The following PLEKHG4B variants were observed in gnomAD, a reference collection of about 807,000 sequenced individuals.
PLEKHG4B encodes pleckstrin homology and RhoGEF domain containing G4B.
PLEKHG4B carries 111 observed loss-of-function variants against 121.3 expected under a neutral mutation model. That is an observed-to-expected ratio of 0.92 (90% CI 0.78 to 1.07). The LOEUF (loss-of-function observed/expected upper bound fraction) is 1.07, where lower values mean the gene tolerates loss of function less well. Among genes scored for constraint, PLEKHG4B ranks in the 50% least tolerant of loss-of-function variants. The pLI, the probability that PLEKHG4B is intolerant of heterozygous loss-of-function variation, is 0.00. For synonymous variants in PLEKHG4B, 738 were observed against 725.0 expected (o/e 1.02, Z -0.29); for missense variants, 1,831 against 1,757.8 (o/e 1.04, Z -0.74).
In PLEKHG4B at chr5:93,107, C is replaced by T. The variant is rs1212244504; in HGVS notation, c.45+831C>T. On this transcript the variant is annotated intron_variant, in intron 1 of 19. Coordinates refer to ENST00000637938, the MANE Select transcript of PLEKHG4B (RefSeq NM_052909.5). ...TTTTGCCTAAAAAGTTTAGTTGGTA[C>T]GTCTAGGTGTCTAATTAAGAATTGA... Among the ~76,000 whole-genome samples, 13 of 152,042 alleles carry T rather than the reference C, an allele frequency of 8.6e-5. 1 individual carries two copies. Among genetic ancestry groups the T allele is most frequent in the Non-Finnish European group, 1.6e-4 (11 of 68,014 alleles).
Position 163,378 on chromosome 5 carries a change from C to T in PLEKHG4B, c.3306C>T (p.Asp1102=). The T allele has an allele frequency of 6.2e-7, 1 of 1,613,234 alleles. No individual in the cohort carries two copies. Among genetic ancestry groups the T allele is most frequent in the Non-Finnish European group, 8.5e-7 (1 of 1,180,036 alleles). ...GCCCCAGGGACTCCTGCCAGCCAGA[C>T]CATACTAGTGTCTTCAGCAAGGGCC... ...DSGPRDSCQP[D]HTSVFSKGLE... is the part of the protein sequence containing the mutation. The change falls in exon 13 of 20, where the codon GAC becomes GAT. Residue 1102 remains aspartate, a synonymous_variant. Coordinates refer to ENST00000637938, the MANE Select transcript of PLEKHG4B (RefSeq NM_052909.5).
intron 18 of PLEKHG4B, among the ~76,000 whole-genome samples, chr5:178,261 G>A (rs1736823641): frequency 6.6e-6 from 1 of 152,220 alleles, no homozygotes; most frequent in South Asian, 2.1e-4. Context: ...TGGCTCCCAA[G>A]GTGCCACTTT....
In PLEKHG4B at chr5:139,431, G is replaced by A. The variant is rs1560920671; in HGVS notation, c.244-52G>A. 1 of 398,734 alleles carries A rather than the reference G, an allele frequency of 2.5e-6. No individual in the cohort carries two copies. The highest frequency in any genetic ancestry group is 3.6e-5 in the East Asian group (1 of 28,082). 24.7% of individuals were successfully genotyped at this position (398,734 alleles called of 1,614,324 possible). On this transcript the variant is annotated intron_variant, in intron 2 of 19. Transcript: ENST00000637938. The surrounding 1 kb of genome is among the most constrained non-coding windows in gnomAD (Gnocchi z 5.0). ...GGGGTGGAGACCCAGGGCATGGAAG[G>A]GCTCAGGACATGGCCGTGCCCACCA...
intron 1 of PLEKHG4B, among the ~76,000 whole-genome samples, chr5:102,565 C>G (rs1293677150): frequency 6.6e-6 from 1 of 152,168 alleles, no homozygotes; most frequent in East Asian, 1.9e-4. Context: ...CCGTCTCTGC[C>G]CGTGCTTCCG....
At chr5:163,875 C>CA (rs1395395044) in intron 13 of PLEKHG4B, among the ~76,000 whole-genome samples, 1 of 152,238 alleles carries the variant, frequency 6.6e-6, no homozygotes, top group Non-Finnish European at 1.5e-5. Flanking sequence ...TCAACCCCGA[C>CA]ACCAAGAAGA....
intron 19 of PLEKHG4B, 71 bp downstream of exon 19, chr5:181,746 C>G: frequency 6.5e-7 from 1 of 1,543,586 alleles, no homozygotes. Flanking sequence ...GGCATGGGTA[C>G]GGTGGCATCG....
At chr5:93,656 C>G (rs545240160) in intron 1 of PLEKHG4B, among the ~76,000 whole-genome samples, 2 of 152,346 alleles carry the variant, frequency 1.3e-5, no homozygotes, top group South Asian at 4.1e-4. Flanking sequence ...CCGGAGCCTT[C>G]TCATCTTTTA....
chr5:168,581 G>T (rs1053141302), intron 13 of PLEKHG4B, among the ~76,000 whole-genome samples: 1 of 152,156 alleles, frequency 6.6e-6, no homozygotes, highest in African/African-American at 2.4e-5. Flanking sequence ...TCATCTCACC[G>T]CTAGAATGAA....
chr5:111,734 G>A (rs1365162806), intron 1 of PLEKHG4B, among the ~76,000 whole-genome samples: 1 of 151,984 alleles, frequency 6.6e-6, no homozygotes, highest in East Asian at 1.9e-4. Flanking sequence ...ATTTCAGCTC[G>A]TGCAGAACAG....
At chr5:173,835 C>T in intron 17 of PLEKHG4B, 83 bp from the exon 18 acceptor site, 1 of 1,499,440 alleles carries the variant, frequency 6.7e-7, no homozygotes, top group Non-Finnish European at 9.0e-7. Flanking sequence ...GTGAAGTGAC[C>T]TCCAGCACTG....
In PLEKHG4B at chr5:162,840, C is replaced by T. The variant is rs2126437393; in HGVS notation, c.2768C>T (p.Ala923Val). Residue 923 changes from alanine to valine, a missense_variant, in exon 13 of 20, where the codon GCA (alanine) becomes GTA (valine). Coordinates refer to ENST00000637938, the MANE Select transcript of PLEKHG4B (RefSeq NM_052909.5). Reference sequence around the variant, plus strand: ...GTGGCTGCAGAGGCCTTCCCCGGGGCAGGTGTGGCAGTGCTGAAGCCTCAT... The same window carrying T: ...GTGGCTGCAGAGGCCTTCCCCGGGGTAGGTGTGGCAGTGCTGAAGCCTCAT... ...TSVAAEAFPG[A>V]GVAVLKPHAL... The T allele has an allele frequency of 6.6e-7, 1 of 1,510,910 alleles. No individual in the cohort carries two copies. 93.6% of individuals were successfully genotyped at this position (1,510,910 alleles called of 1,614,324 possible).
Position 131,860 on chromosome 5 carries a change from A to G in PLEKHG4B, c.244-7623A>G, listed in dbSNP as rs141902991. 7.8e-3 allele frequency among the ~76,000 whole-genome samples: 1,184 copies of G among 152,310 alleles called. 34 individuals are homozygous for G. Among genetic ancestry groups the G allele is most frequent in the East Asian group, 0.058 (302 of 5,188 alleles). On this transcript the variant is annotated intron_variant, in intron 2 of 19. Transcript: ENST00000637938. ...GGTTTTGATTAGCATTTCTCTGATG[A>G]CCAGTGATGATGAGCATAGTTTCAT...
rs558444672 is a variant in PLEKHG4B at position 96,701 on chromosome 5, C to T, written c.45+4425C>T. Reference sequence around the variant, plus strand: ...AGGCTGGAGCATTCCATGGCAGCAACCCAGAGAATCACAGTGACCACTCAT... The same window carrying T: ...AGGCTGGAGCATTCCATGGCAGCAATCCAGAGAATCACAGTGACCACTCAT... On this transcript the variant is annotated intron_variant, in intron 1 of 19. Coordinates refer to ENST00000637938, the MANE Select transcript of PLEKHG4B (RefSeq NM_052909.5). 6.6e-5 allele frequency among the ~76,000 whole-genome samples: 10 copies of T among 152,174 alleles called. No homozygotes were observed. In the South Asian group the frequency reaches 1.9e-3, roughly 28 times the overall value.
Position 181,497 on chromosome 5 carries a change from A to G in PLEKHG4B, c.4403-17A>G, listed in dbSNP as rs1366966912. 3 of 1,610,744 alleles carry G rather than the reference A, an allele frequency of 1.9e-6. No homozygotes were observed. The highest frequency in any genetic ancestry group is 1.7e-5 in the Admixed American group (1 of 59,638). On this transcript the variant is annotated splice_polypyrimidine_tract_variant and intron_variant, in intron 18 of 19. Transcript: ENST00000637938. Reference sequence around the variant, plus strand: ...CCCGAGTTGCTTTGGAAACTGTCATACTTTCTTCTGTCTTAGAACTCAGAA... The same window carrying G: ...CCCGAGTTGCTTTGGAAACTGTCATGCTTTCTTCTGTCTTAGAACTCAGAA...
chr5:164,564 CAGG>C (rs776136638), intron 13 of PLEKHG4B, among the ~76,000 whole-genome samples: 1 of 63,016 alleles, frequency 1.6e-5, no homozygotes, highest in African/African-American at 8.9e-5. Context: ...AATGCTCTGA[CAGG>C]GGGCGGAGCT....
Position 140,177 on chromosome 5 carries a change from A to AC in PLEKHG4B, c.942dup (p.Met315HisfsTer35), listed in dbSNP as rs1735112440. 4.2e-6 allele frequency: 4 copies of AC among 955,114 alleles called. No homozygotes were observed. The East Asian group carries it at 1.1e-4, about 27-fold the overall frequency. 59.2% of individuals were successfully genotyped at this position (955,114 alleles called of 1,614,324 possible). ...TGTGGGGGGTCGGGGGAGAGGCCGG[A>AC]CCCCATGGACCAGGAGGACAGACCC... On this transcript the variant is annotated frameshift_variant, in exon 3 of 20. Transcript: ENST00000637938. LOFTEE classifies it high-confidence loss of function.
intron 2 of PLEKHG4B, among the ~76,000 whole-genome samples, chr5:116,378 G>A (rs1734307985): frequency 6.6e-6 from 1 of 152,186 alleles, no homozygotes; most frequent in Admixed American, 6.5e-5. Context: ...TAATAATAAT[G>A]AAGGAGTTTG....
At chr5:92,556 G>A (rs1223325029) in intron 1 of PLEKHG4B, among the ~76,000 whole-genome samples, 3 of 148,974 alleles carry the variant, frequency 2.0e-5, no homozygotes, top group Non-Finnish European at 4.5e-5. Context: ...GAGGGGGCGC[G>A]GGTACCCAGA....
chr5:97,738 G>T (rs1313392231), intron 1 of PLEKHG4B, among the ~76,000 whole-genome samples: 1 of 152,096 alleles, frequency 6.6e-6, no homozygotes, highest in African/African-American at 2.4e-5. Flanking sequence ...GGATAGTGCT[G>T]CTGTGAACAT....
Sources: allele counts gnomAD v4.1 joint callset (sites outside exome capture counted in the v4.1 genomes callset), GRCh38; gene constraint gnomAD v4.1.1; non-coding constraint Gnocchi (gnomAD v3.1); transcripts MANE v1.5; gene names NCBI Gene and HGNC (gene_info 2026-07-23, HGNC 2026-07-21).